The following CIB3 variants were observed in gnomAD, a reference collection of about 807,000 sequenced individuals.
CIB3 encodes the protein calcium and integrin binding family member 3, also known as calcium and integrin-binding family member 3.
CIB3 carries 22 observed loss-of-function variants against 23.4 expected under a neutral mutation model. The observed-to-expected ratio is 0.94, with a 90% CI of 0.67 to 1.34. The LOEUF (loss-of-function observed/expected upper bound fraction) is 1.34, where lower values mean the gene tolerates loss of function less well. CIB3 is among the 40% of genes most tolerant of loss of function. The pLI is 0.00. For missense variants in CIB3, 258 were observed against 247.3 expected (o/e 1.04, Z -0.29); for synonymous variants, 93 against 95.8 (o/e 0.97, Z 0.17).
chr19:16,166,561 CATTT>C (rs1352597132), intron 4 of CIB3, among the ~76,000 whole-genome samples: 1 of 152,144 alleles, frequency 6.6e-6, no homozygotes, highest in Non-Finnish European at 1.5e-5. Flanking sequence ...ATAACTTTTT[CATTT>C]ATTCATTCAT....
intron 2 of CIB3, among the ~76,000 whole-genome samples, chr19:16,170,826 A>T (rs1029926621): frequency 6.6e-6 from 1 of 151,188 alleles, no homozygotes; most frequent in African/African-American, 2.4e-5. Flanking sequence ...CTGTCTCAAA[A>T]AAAAAAAAGA....
In CIB3 at chr19:16,161,484, G is replaced by T. The variant is rs201221748; in HGVS notation, c.545C>A (p.Thr182Asn). ...GTGCCATCAGATTCGGATGTGGAAGGTGCTGTGTGCAGAGAGAAAAGGAGT... is the reference window on the plus strand; with the variant it reads ...GTGCCATCAGATTCGGATGTGGAAGTTGCTGTGTGCAGAGAGAAAAGGAGT... ...MILRAPDFLS[T>N]FHIRI The change falls in exon 6 of 6, where the codon ACC becomes AAC. Residue 182 changes from threonine to asparagine, a missense_variant and splice_region_variant. Transcript: ENST00000269878. 6.2e-7 allele frequency: 1 copy of T among 1,613,958 alleles called. No homozygotes were observed. The highest frequency in any genetic ancestry group is 1.3e-5 in the African/African-American group (1 of 75,006).
intron 2 of CIB3, 78 bp downstream of exon 2, chr19:16,173,084 A>ACC (rs1487529827): frequency 9.9e-6 from 15 of 1,508,062 alleles, no homozygotes; most frequent in Non-Finnish European, 1.1e-5. Context: ...ACACACACAC[A>ACC]CCAAATTGCA....
At chr19:16,165,012 G>A (rs2091300253) in intron 4 of CIB3, 99 bp from the exon 5 acceptor site, 3 of 1,017,686 alleles carry the variant, frequency 2.9e-6, no homozygotes, top group Admixed American at 3.8e-5. Context: ...GGGAAACTAA[G>A]GTCGGGCACG....
chr19:16,164,134 C>CTATT (rs376183483), intron 5 of CIB3, among the ~76,000 whole-genome samples: 12 of 152,036 alleles, frequency 7.9e-5, no homozygotes, highest in East Asian at 1.9e-4. Flanking sequence ...CCATACCTGG[C>CTATT]TATTTATTTA....
chr19:16,171,642 C>T (rs1336081563), intron 2 of CIB3, among the ~76,000 whole-genome samples: 3 of 152,178 alleles, frequency 2.0e-5, no homozygotes, highest in Non-Finnish European at 4.4e-5. Context: ...GTTATTCTAT[C>T]TGATAAGCAA....
chr19:16,171,195 GA>G (rs568905581), intron 2 of CIB3, among the ~76,000 whole-genome samples: 30 of 150,978 alleles, frequency 2.0e-4, no homozygotes, highest in East Asian at 1.7e-3. Flanking sequence ...AAGAAAGAAA[GA>G]AAAAAAAGGA....
chr19:16,168,928 T>A (rs1432468847), intron 3 of CIB3, among the ~76,000 whole-genome samples: 1 of 152,124 alleles, frequency 6.6e-6, no homozygotes, highest in Admixed American at 6.6e-5. Context: ...AAATCAACCC[T>A]ACTCACAGTC....
At chr19:16,170,643 A>C (rs945283550) in intron 2 of CIB3, among the ~76,000 whole-genome samples, 5 of 151,762 alleles carry the variant, frequency 3.3e-5, no homozygotes, top group African/African-American at 9.7e-5. Flanking sequence ...CAACATGGTG[A>C]AACCCCATCT....
chr19:16,171,449 TGA>T (rs1342541067), intron 2 of CIB3, among the ~76,000 whole-genome samples: 2 of 152,082 alleles, frequency 1.3e-5, no homozygotes, highest in East Asian at 3.9e-4. Context: ...GGACTGTCTC[TGA>T]GAGAGACATG....
At chr19:16,163,713 G>A (rs975880363) in intron 5 of CIB3, among the ~76,000 whole-genome samples, 17 of 152,152 alleles carry the variant, frequency 1.1e-4, no homozygotes, top group Non-Finnish European at 1.5e-5. Context: ...TGTGCCAGGA[G>A]CTGTGCTGAA....
chr19:16,173,369 A>G, intron 1 of CIB3, 56 bp downstream of exon 1: 5 of 1,579,946 alleles, frequency 3.2e-6, no homozygotes, highest in Non-Finnish European at 4.4e-6. Context: ...CCCATTTCCC[A>G]GACCACGGAA....
intron 2 of CIB3, among the ~76,000 whole-genome samples, chr19:16,172,884 C>G (rs966535155): frequency 6.6e-6 from 1 of 150,574 alleles, no homozygotes; most frequent in Non-Finnish European, 1.5e-5. Flanking sequence ...CTTGGGAGAT[C>G]GAGCCTGCAA....
intron 1 of CIB3, 66 bp from the exon 2 acceptor site, chr19:16,173,262 C>T: frequency 6.2e-6 from 10 of 1,609,754 alleles, no homozygotes; most frequent in Non-Finnish European, 7.7e-6. Context: ...GGCCTCCTCC[C>T]TCCACCCCAC....
At chr19:16,169,433 C>T (rs1164926691) in intron 3 of CIB3, among the ~76,000 whole-genome samples, 197 bp downstream of exon 3, 2 of 152,186 alleles carry the variant, frequency 1.3e-5, no homozygotes, top group African/African-American at 4.8e-5. Context: ...CTTGAGCCAC[C>T]ACACCAGCCA....
intron 4 of CIB3, among the ~76,000 whole-genome samples, chr19:16,167,812 A>G (rs2091311930): frequency 6.6e-6 from 1 of 152,194 alleles, no homozygotes; most frequent in Admixed American, 6.5e-5. Context: ...AGCCTGGGCA[A>G]AAAGAGCGAA....
intron 5 of CIB3, among the ~76,000 whole-genome samples, chr19:16,161,702 G>C (rs1356626436): frequency 7.4e-6 from 1 of 135,146 alleles, no homozygotes; most frequent in Non-Finnish European, 1.6e-5. Flanking sequence ...TTTTGAGATG[G>C]GGTCTTGCTC....
chr19:16,161,546 TC>T (rs1248448283), intron 5 of CIB3, 60 bp from the exon 6 acceptor site: 26 of 1,584,842 alleles, frequency 1.6e-5, no homozygotes, highest in Middle Eastern at 1.7e-4. Flanking sequence ...CTTTTCCTCC[TC>T]CCCCTCAACA....
chr19:16,161,673 C>CTTTTTTT (rs55969649), intron 5 of CIB3, among the ~76,000 whole-genome samples, 187 bp from the exon 6 acceptor site: 7 of 100,038 alleles, frequency 7.0e-5, no homozygotes, highest in Admixed American at 1.4e-4. Flanking sequence ...TTTTTTAATT[C>CTTTTTTT]TTTTTTTTTT....
Sources: gnomAD v4.1 joint callset for allele counts (sites outside exome capture counted in the v4.1 genomes callset) on GRCh38, gnomAD v4.1.1 for gene constraint, MANE v1.5 for transcripts, NCBI Gene and HGNC (gene_info 2026-07-23, HGNC 2026-07-21) for gene names.